DLG2: variants seen among roughly 807,000 people sequenced by gnomAD.
DLG2 encodes disks large homolog 2.
Under a neutral mutation model 132.5 loss-of-function variants are expected in DLG2, and 45 were observed. The observed-to-expected ratio is 0.34, with a 90% CI of 0.27 to 0.44. DLG2 has a LOEUF of 0.44. Ranked by LOEUF, DLG2 falls within the 20% of genes least tolerant of loss-of-function variation. The pLI is 1.00. For synonymous variants in DLG2, 424 were observed against 419.6 expected, an observed-to-expected ratio of 1.01 and a Z score of -0.13; for missense variants, 1,045 against 1,196.9, an observed-to-expected ratio of 0.87 and a Z score of 1.87.
chr11:84,505,364 A>G (rs2099236036), intron 7 of DLG2, among the ~76,000 whole-genome samples: 1 of 152,214 alleles, frequency 6.6e-6, no homozygotes. Context: ...TGTCTTCACA[A>G]GAATCCTAAG....
chr11:83,647,708 A>G (rs2153506286), intron 18 of DLG2: 1 of 152,228 alleles, frequency 6.6e-6, no homozygotes, highest in Non-Finnish European at 1.5e-5. Context: ...GTCTTGACCG[A>G]CTTCTTTTTG....
chr11:85,543,112 T>G (rs2076079683), intron 3 of DLG2, among the ~76,000 whole-genome samples: 9 of 152,192 alleles, frequency 5.9e-5, no homozygotes, highest in Admixed American at 3.3e-4. Flanking sequence ...ACATTAGGCA[T>G]TTCTACTAAT....
At chr11:83,739,933 G>A (rs1389998381) in intron 18 of DLG2, among the ~76,000 whole-genome samples, 1 of 152,196 alleles carries the variant, frequency 6.6e-6, no homozygotes, top group Non-Finnish European at 1.5e-5. Context: ...CATCTGGGTG[G>A]ATGGAGAACC....
intron 18 of DLG2, among the ~76,000 whole-genome samples, chr11:83,740,071 T>G (rs1230968490): frequency 6.6e-6 from 1 of 152,060 alleles, no homozygotes; most frequent in Non-Finnish European, 1.5e-5. Flanking sequence ...AAAGAAAAAC[T>G]AATGTGGAAG....
intron 7 of DLG2, among the ~76,000 whole-genome samples, chr11:84,338,720 C>A (rs756609633): frequency 1.3e-5 from 2 of 152,040 alleles, no homozygotes; most frequent in Admixed American, 6.5e-5. Context: ...GCAGGAGAAT[C>A]GCTTGAGTCC....
At chr11:83,654,203 C>A (rs2071586733) in intron 18 of DLG2, among the ~76,000 whole-genome samples, 1 of 152,096 alleles carries the variant, frequency 6.6e-6, no homozygotes, top group Non-Finnish European at 1.5e-5. Context: ...AAACTTTCAC[C>A]AACCAAGTTA....
At chr11:83,524,770 G>A (rs1256063293) in intron 21 of DLG2, among the ~76,000 whole-genome samples, 2 of 152,056 alleles carry the variant, frequency 1.3e-5, no homozygotes, top group Admixed American at 6.6e-5. Flanking sequence ...TGAGCACACC[G>A]GGCTGTTTCC....
chr11:83,866,921 T>C (rs776987936), intron 16 of DLG2, among the ~76,000 whole-genome samples: 1 of 152,188 alleles, frequency 6.6e-6, no homozygotes, highest in South Asian at 2.1e-4. Context: ...TTCTTCCTAG[T>C]CCTGCTGGGC....
chr11:85,348,486 G>A (rs1045486625), intron 3 of DLG2, among the ~76,000 whole-genome samples: 1 of 151,912 alleles, frequency 6.6e-6, no homozygotes, highest in East Asian at 1.9e-4. Context: ...ACCTCTCAAA[G>A]TGCTGGGATT....
chr11:85,338,701 ATTTTTTTT>A (rs35378658), intron 3 of DLG2, among the ~76,000 whole-genome samples: 1 of 83,562 alleles, frequency 1.2e-5, no homozygotes, highest in African/African-American at 4.5e-5. Context: ...TGTATAAATA[ATTTTTTTT>A]TTTTTTTTTT....
At chr11:85,163,457 G>A (rs746577454) in intron 4 of DLG2, among the ~76,000 whole-genome samples, 2 of 152,036 alleles carry the variant, frequency 1.3e-5, no homozygotes, top group African/African-American at 2.4e-5. Flanking sequence ...AGTATAGGAG[G>A]AGCATCTATA....
intron 6 of DLG2, among the ~76,000 whole-genome samples, chr11:84,682,026 G>C (rs1004869233): frequency 1.3e-5 from 2 of 152,056 alleles, no homozygotes; most frequent in Non-Finnish European, 2.9e-5. Context: ...AAGGGAGGGA[G>C]GTGCCAGGCT....
chr11:83,806,568 T>A (rs2045957164), intron 17 of DLG2, among the ~76,000 whole-genome samples: 1 of 152,186 alleles, frequency 6.6e-6, no homozygotes, highest in Non-Finnish European at 1.5e-5. Context: ...GCTTTCTTTT[T>A]CTATTTACCT....
At chr11:84,820,743 GA>G (rs2077577981) in intron 6 of DLG2, among the ~76,000 whole-genome samples, 1 of 147,552 alleles carries the variant, frequency 6.8e-6, no homozygotes, top group African/African-American at 2.5e-5. Context: ...TTTTTTTTGA[GA>G]AGCCGAGCCC....
intron 15 of DLG2, among the ~76,000 whole-genome samples, chr11:83,887,792 A>G (rs1000407394): frequency 6.6e-6 from 1 of 151,290 alleles, no homozygotes; most frequent in Non-Finnish European, 1.5e-5. Flanking sequence ...AGGCTGGTTC[A>G]ATATACGCAA....
intron 18 of DLG2, among the ~76,000 whole-genome samples, chr11:83,655,481 A>G (rs1043311025): frequency 2.0e-5 from 3 of 152,178 alleles, no homozygotes; most frequent in Non-Finnish European, 2.9e-5. Flanking sequence ...ATATTGGGTC[A>G]GCTGGGACAT....
At chr11:85,518,236 C>T (rs1191340038) in intron 3 of DLG2, among the ~76,000 whole-genome samples, 1 of 152,104 alleles carries the variant, frequency 6.6e-6, no homozygotes, top group African/African-American at 2.4e-5. Context: ...TCAAAGAAGA[C>T]AGGAAAATGT....
chr11:84,356,825 G>C (rs2098615625), intron 7 of DLG2, among the ~76,000 whole-genome samples: 1 of 151,950 alleles, frequency 6.6e-6, no homozygotes, highest in Admixed American at 6.6e-5. Flanking sequence ...ACCTGGAAAA[G>C]TATTTTTAAA....
In DLG2 at chr11:85,149,837, C is replaced by T. The variant is rs189661693; in HGVS notation, c.282+4719G>A. ...TTGGGAGGTGGTATATATCCTACAA[C>T]TTGAGGCTTTCCAGCAGATGACAGA... On this transcript the variant is annotated intron_variant, in intron 5 of 27. Transcript: ENST00000376104. Among the ~76,000 whole-genome samples the T allele has an allele frequency of 4.9e-4, 74 of 152,008 alleles. 1 individual carries two copies. Among genetic ancestry groups the T allele is most frequent in the African/African-American group, 1.5e-3 (64 of 41,460 alleles).
Sources: gnomAD v4.1 joint callset for allele counts (sites outside exome capture counted in the v4.1 genomes callset) on GRCh38, gnomAD v4.1.1 for gene constraint, MANE v1.5 for transcripts, NCBI Gene and HGNC (gene_info 2026-07-23, HGNC 2026-07-21) for gene names.